The following PITPNM3 variants were observed in gnomAD, a reference collection of about 807,000 sequenced individuals.
PITPNM3 encodes membrane-associated phosphatidylinositol transfer protein 3.
Under a neutral mutation model 102.0 loss-of-function variants are expected in PITPNM3, and 26 were observed. That is an observed-to-expected ratio of 0.25 (90% CI 0.19 to 0.35). The LOEUF (loss-of-function observed/expected upper bound fraction) is 0.35. Ranked by LOEUF, PITPNM3 falls within the 10% of genes least tolerant of loss-of-function variation. The pLI, the probability that PITPNM3 is intolerant of heterozygous loss-of-function variation, is 1.00. For missense variants in PITPNM3, 1,083 were observed against 1,346.1 expected (o/e 0.80, Z 3.06); for synonymous variants, 578 against 558.6 (o/e 1.03, Z -0.49).
chr17:6,456,614 T>C (rs948035391), intron 19 of PITPNM3, among the ~76,000 whole-genome samples: 3 of 152,134 alleles, frequency 2.0e-5, no homozygotes, highest in Non-Finnish European at 2.9e-5. Context: ...AGGTGATGCT[T>C]GTGCACTTCA....
chr17:6,486,049 G>T (rs572994042), intron 4 of PITPNM3, among the ~76,000 whole-genome samples: 1 of 152,288 alleles, frequency 6.6e-6, no homozygotes, highest in African/African-American at 2.4e-5. Flanking sequence ...TGAATGTGAT[G>T]ACACTGGACT....
At chr17:6,485,161 CTTTT>C (rs1335515715) in intron 4 of PITPNM3, among the ~76,000 whole-genome samples, 5 of 139,518 alleles carry the variant, frequency 3.6e-5, no homozygotes, top group Non-Finnish European at 6.3e-5. Flanking sequence ...ATTTTCTTTT[CTTTT>C]TTTTTTTTTT....
intron 4 of PITPNM3, among the ~76,000 whole-genome samples, chr17:6,495,691 G>A (rs1906764831): frequency 1.3e-5 from 2 of 152,002 alleles, no homozygotes; most frequent in African/African-American, 2.4e-5. Context: ...TCCCCCACCA[G>A]AGTGCTGGGA....
intron 2 of PITPNM3, among the ~76,000 whole-genome samples, chr17:6,528,975 G>C (rs1908994844): frequency 1.3e-5 from 2 of 152,164 alleles, no homozygotes; most frequent in Non-Finnish European, 2.9e-5. Flanking sequence ...GTGCTCATTT[G>C]TATAAACGCC....
chr17:6,455,623 G>C lies in PITPNM3; in HGVS notation c.2640C>G (p.Ala880=), dbSNP rs773036319. ...TGGCCTCCAGCGCGGCCAGGTGTGC[G>C]GCGTAGCCCTCGCTCAGGAACTGCG... ...TQCQFLSEGY[A]AHLAALEASH... Residue 880 remains alanine (A), a synonymous_variant, in exon 20 of 20, where the codon GCC becomes GCG. Coordinates refer to ENST00000262483, the MANE Select transcript of PITPNM3 (RefSeq NM_031220.4). 1.5e-5 allele frequency: 24 copies of C among 1,568,574 alleles called. No individual in the cohort carries two copies. Among genetic ancestry groups the C allele is most frequent in the Non-Finnish European group, 2.0e-5 (23 of 1,168,784 alleles).
rs1388966930 is a variant in PITPNM3 at position 6,556,143 on chromosome 17, CG to C, written c.22+241del. ...GGGGCGCCGCAGACCTGGCCCTTTC[CG>C]GCGGGGCCGTGGAGAAGGGGACGCG... On this transcript the variant is annotated intron_variant, in intron 1 of 19. Transcript: ENST00000262483. The surrounding 1 kb of genome is among the most constrained non-coding windows in gnomAD (Gnocchi z 5.2). Among the ~76,000 whole-genome samples the C allele has an allele frequency of 6.6e-6, 1 of 151,870 alleles. No homozygotes were observed. Among genetic ancestry groups the C allele is most frequent in the East Asian group, 2.0e-4 (1 of 5,128 alleles).
chr17:6,541,891 G>A (rs1161309856), intron 1 of PITPNM3, among the ~76,000 whole-genome samples: 1 of 152,232 alleles, frequency 6.6e-6, no homozygotes, highest in Non-Finnish European at 1.5e-5. Flanking sequence ...AGTGCGGCAT[G>A]CCAGGCAGTC....
Position 6,497,133 on chromosome 17 carries a change from C to T in PITPNM3, c.274+6394G>A, listed in dbSNP as rs1906878970. On this transcript the variant is annotated intron_variant, in intron 4 of 19. Coordinates refer to ENST00000262483, the MANE Select transcript of PITPNM3 (RefSeq NM_031220.4). ...CTGCAGCTGTGCTCAGCAAGCTGCC[C>T]ACACAGGCCAGGAAAAGACACCAGT... Among the ~76,000 whole-genome samples the T allele has an allele frequency of 2.0e-5, 3 of 152,188 alleles. No individual in the cohort carries two copies. In the South Asian group the frequency reaches 6.2e-4, roughly 32 times the overall value.
intron 1 of PITPNM3, among the ~76,000 whole-genome samples, chr17:6,550,174 C>T (rs1430774996): frequency 3.9e-5 from 6 of 152,218 alleles, no homozygotes; most frequent in African/African-American, 1.2e-4. Context: ...GGCTCTCCTT[C>T]GTTAGACAAG....
Position 6,452,299 on chromosome 17 carries a change from C to T in PITPNM3, c.*3039G>A, listed in dbSNP as rs1913882191. 1 of 152,196 alleles carries T rather than the reference C, an allele frequency of 6.6e-6. No homozygotes were observed. The highest frequency in any genetic ancestry group is 1.5e-5 in the Non-Finnish European group (1 of 68,036). The allele number at this position is 152,196 out of a possible 1,614,324, so 9.4% of individuals were successfully genotyped here. A position where few individuals can be genotyped will look rare whatever the true frequency, so the allele number is the denominator to read the frequency against. On this transcript the variant is annotated 3_prime_UTR_variant, in exon 20 of 20. Coordinates refer to ENST00000262483, the MANE Select transcript of PITPNM3 (RefSeq NM_031220.4). Reference sequence around the variant, plus strand: ...AAGAGCAGGTCCTGGGCTAAGGATGCACCCTGAACCCCAACAGGGCAAATG... The same window carrying T: ...AAGAGCAGGTCCTGGGCTAAGGATGTACCCTGAACCCCAACAGGGCAAATG...
At chr17:6,552,642 C>T (rs1355523460) in intron 1 of PITPNM3, among the ~76,000 whole-genome samples, 1 of 152,152 alleles carries the variant, frequency 6.6e-6, no homozygotes, top group East Asian at 1.9e-4. Context: ...ACCCACCTTC[C>T]ACCCCTACCC....
Position 6,477,136 on chromosome 17 carries a change from G to T in PITPNM3, c.978C>A (p.Ser326=), listed in dbSNP as rs753169400. 3.1e-6 allele frequency: 5 copies of T among 1,614,198 alleles called. No homozygotes were observed. Among genetic ancestry groups the T allele is most frequent in the East Asian group, 2.2e-5 (1 of 44,880 alleles). The part of the protein sequence containing the change: ...KRLSKSNIDI[S]SGLEDEEPKR... ...TGGGCTCCTCATCCTCCAACCCACT[G>T]GAGATGTCAATGTTGCTTTTGCTGA... The change falls in exon 9 of 20, where the codon TCC becomes TCA. Residue 326 remains serine (S), a synonymous_variant. Transcript: ENST00000262483.
chr17:6,512,903 T>C (rs1907952773), intron 3 of PITPNM3, among the ~76,000 whole-genome samples: 1 of 152,080 alleles, frequency 6.6e-6, no homozygotes, highest in Non-Finnish European at 1.5e-5. Context: ...AAGAGATATA[T>C]AAACCCCAAG....
rs1039515682 is a variant in PITPNM3 at position 6,478,314 on chromosome 17, G to T, written c.778-217C>A. Among the ~76,000 whole-genome samples the T allele has an allele frequency of 2.6e-5, 4 of 152,264 alleles. No individual in the cohort carries two copies. The highest frequency in any genetic ancestry group is 9.6e-5 in the African/African-American group (4 of 41,474). On this transcript the variant is annotated intron_variant, in intron 7 of 19. Coordinates refer to ENST00000262483, the MANE Select transcript of PITPNM3 (RefSeq NM_031220.4). The surrounding 1 kb of genome is among the most constrained non-coding windows in gnomAD (Gnocchi z 4.4). Reference sequence around the variant, plus strand: ...GGACGGGGAGTAGGCTACTCTCAGGGGTCAGACTTGGGCTAGAGAGCAGCA... The same window carrying T: ...GGACGGGGAGTAGGCTACTCTCAGGTGTCAGACTTGGGCTAGAGAGCAGCA...
rs1284448919 is a variant in PITPNM3, at chr17:6,478,220, A to G, written c.778-123T>C. 1.3e-6 allele frequency: 2 copies of G among 1,502,044 alleles called. No individual in the cohort carries two copies. The highest frequency in any genetic ancestry group is 2.8e-5 in the African/African-American group (2 of 72,474). 93.0% of individuals were successfully genotyped at this position (1,502,044 alleles called of 1,614,324 possible). On this transcript the variant is annotated intron_variant, in intron 7 of 19. Coordinates refer to ENST00000262483, the MANE Select transcript of PITPNM3 (RefSeq NM_031220.4). This position sits in a 1 kb window ranked among gnomAD's most constrained non-coding sequence, Gnocchi z 4.4. ...AAACTCGTCCTTGGGAGGTGTTGAG[A>G]GAGCCCAACTGGGAAGCAGTGTGCA...
At chr17:6,533,833 T>C (rs1909269552) in intron 2 of PITPNM3, among the ~76,000 whole-genome samples, 1 of 152,160 alleles carries the variant, frequency 6.6e-6, no homozygotes, top group Non-Finnish European at 1.5e-5. Context: ...TGAGCTCCAT[T>C]GGCTGGGGCA....
At chr17:6,544,169 C>T (rs991664936) in intron 1 of PITPNM3, among the ~76,000 whole-genome samples, 9 of 152,242 alleles carry the variant, frequency 5.9e-5, no homozygotes, top group African/African-American at 9.6e-5. Context: ...GCCCTGCCTA[C>T]GGCTATATCA....
rs1910626351 is a variant in PITPNM3 at position 6,556,522 on chromosome 17, G to T, written c.-116C>A. The T allele has an allele frequency of 3.1e-6, 2 of 647,754 alleles. No individual in the cohort carries two copies. Among genetic ancestry groups the T allele is most frequent in the Non-Finnish European group, 3.8e-6 (2 of 528,930 alleles). The allele number at this position is 647,754 out of a possible 1,614,324, so 40.1% of individuals were successfully genotyped here. A position where few individuals can be genotyped will look rare whatever the true frequency, so the allele number is the denominator to read the frequency against. On this transcript the variant is annotated 5_prime_UTR_variant, in exon 1 of 20. Coordinates refer to ENST00000262483, the MANE Select transcript of PITPNM3 (RefSeq NM_031220.4). This position sits in a 1 kb window ranked among gnomAD's most constrained non-coding sequence, Gnocchi z 5.2. The stretch of plus-strand genomic sequence containing the variant: ...AGCGCCGCGCCCGCGCCCCCGCCCC[G>T]CTCGCCTCGGCTGCCGCCACCGCAG...
Position 6,536,051 on chromosome 17 carries a change from G to C in PITPNM3, c.118+1936C>G, listed in dbSNP as rs1268951768. 2.1e-5 allele frequency among the ~76,000 whole-genome samples: 3 copies of C among 146,194 alleles called. No homozygotes were observed. The Admixed American group carries it at 2.1e-4, about 10-fold the overall frequency. On this transcript the variant is annotated intron_variant, in intron 2 of 19. Transcript: ENST00000262483. ...TGCACCGCCACCTGGGCTACAAAGC[G>C]AGACTCCATCTCAAAAAAAAAAGGA...
Sources: allele counts gnomAD v4.1 joint callset (sites outside exome capture counted in the v4.1 genomes callset), GRCh38; gene constraint gnomAD v4.1.1; non-coding constraint Gnocchi (gnomAD v3.1); transcripts MANE v1.5; gene names NCBI Gene and HGNC (gene_info 2026-07-23, HGNC 2026-07-21).